FSTL5: variants seen among roughly 807,000 people sequenced by gnomAD.
The protein encoded by FSTL5 is follistatin like 5.
FSTL5 carries 62 observed loss-of-function variants against 89.1 expected under a neutral mutation model. The ratio of observed to expected loss-of-function variants is 0.70; its 90% CI spans 0.57 to 0.86. FSTL5 has a LOEUF of 0.86. FSTL5 is among the 40% of genes least tolerant of loss of function. The probability of loss-of-function intolerance (pLI) is 0.00; values close to 1 mark genes in which losing one functional copy is unlikely to be tolerated. For missense variants in FSTL5, 1,057 were observed against 1,001.6 expected (o/e 1.06, Z -0.75); for synonymous variants, 383 against 346.2 (o/e 1.11, Z -1.18).
At chr4:161,637,787 T>C (rs1383844504) in intron 7 of FSTL5, among the ~76,000 whole-genome samples, 4 of 119,568 alleles carry the variant, frequency 3.3e-5, no homozygotes, top group Non-Finnish European at 4.9e-5. Context: ...TATGTGGCAT[T>C]ATTTCTGAGG....
intron 6 of FSTL5, among the ~76,000 whole-genome samples, chr4:161,677,104 C>T (rs1737332759): frequency 1.3e-5 from 2 of 151,790 alleles, no homozygotes; most frequent in South Asian, 4.1e-4. Flanking sequence ...ATGATTGACC[C>T]CAATTTAGGG....
chr4:161,438,818 T>C (rs1226598882), intron 15 of FSTL5, among the ~76,000 whole-genome samples: 2 of 152,112 alleles, frequency 1.3e-5, no homozygotes, highest in African/African-American at 2.4e-5. Context: ...ATAAGCAATA[T>C]AATCTGATAT....
At position 161,775,657 on chromosome 4, in the gene FSTL5, T is replaced by C. The variant is rs1422017591; in HGVS notation, c.606+221A>G. 3.9e-5 allele frequency among the ~76,000 whole-genome samples: 6 copies of C among 152,044 alleles called. No individual in the cohort carries two copies. The East Asian group carries it at 1.2e-3, about 29-fold the overall frequency. ...TTAAGATATAGATATCTATCAGAAGTAGATATCTCTTTTTAAACTGTCAAA... is the reference window on the plus strand; with the variant it reads ...TTAAGATATAGATATCTATCAGAAGCAGATATCTCTTTTTAAACTGTCAAA... On this transcript the variant is annotated intron_variant, in intron 5 of 15. Coordinates refer to ENST00000306100, the MANE Select transcript of FSTL5 (RefSeq NM_020116.5).
intron 6 of FSTL5, among the ~76,000 whole-genome samples, chr4:161,716,476 A>G (rs1314400555): frequency 6.6e-6 from 1 of 152,086 alleles, no homozygotes; most frequent in Admixed American, 6.5e-5. Context: ...GTGTGCCTGT[A>G]GTCTCAGCTA....
chr4:161,432,614 C>T (rs1732414541), intron 15 of FSTL5, among the ~76,000 whole-genome samples: 2 of 148,646 alleles, frequency 1.3e-5, no homozygotes, highest in Admixed American at 1.3e-4. Flanking sequence ...TAAATTAAAA[C>T]AAAAAATAGA....
At chr4:161,516,429 T>A (rs1730832824) in intron 10 of FSTL5, among the ~76,000 whole-genome samples, 2 of 140,858 alleles carry the variant, frequency 1.4e-5, no homozygotes, top group African/African-American at 5.2e-5. Context: ...CATATTCTTA[T>A]CAATGTCCTT....
At chr4:161,954,236 G>A (rs937675353) in intron 3 of FSTL5, among the ~76,000 whole-genome samples, 8 of 151,508 alleles carry the variant, frequency 5.3e-5, no homozygotes, top group African/African-American at 1.9e-4. Flanking sequence ...TCTGAAAAGT[G>A]AAAAACAAGT....
At chr4:161,502,642 C>T (rs1439296364) in intron 11 of FSTL5, among the ~76,000 whole-genome samples, 3 of 151,814 alleles carry the variant, frequency 2.0e-5, no homozygotes, top group African/African-American at 4.8e-5. Flanking sequence ...GCGAGTCCTC[C>T]TCATTCATAA....
At chr4:161,461,632 T>C (rs1188573768) in intron 13 of FSTL5, among the ~76,000 whole-genome samples, 1 of 152,094 alleles carries the variant, frequency 6.6e-6, no homozygotes, top group Admixed American at 6.6e-5. Flanking sequence ...CTTTATTGCT[T>C]AAGGAATAGT....
At chr4:161,935,569 A>G (rs1734409762) in intron 3 of FSTL5, among the ~76,000 whole-genome samples, 1 of 152,174 alleles carries the variant, frequency 6.6e-6, no homozygotes, top group South Asian at 2.1e-4. Context: ...CAGAGAGGTA[A>G]TTAAAAATTG....
At chr4:161,929,206 G>T (rs1734211268) in intron 3 of FSTL5, among the ~76,000 whole-genome samples, 2 of 145,578 alleles carry the variant, frequency 1.4e-5, no homozygotes, top group African/African-American at 2.5e-5. Flanking sequence ...AGCACCATTT[G>T]TTGACAAGAA....
At chr4:161,472,601 A>AT (rs1157181211) in intron 13 of FSTL5, among the ~76,000 whole-genome samples, 1 of 151,544 alleles carries the variant, frequency 6.6e-6, no homozygotes, top group Non-Finnish European at 1.5e-5. Context: ...TTTCCTCATG[A>AT]TTTTTTTAAT....
At position 161,553,684 on chromosome 4, in the gene FSTL5, T is replaced by A. The variant is rs190339264; in HGVS notation, c.1016-10991A>T. 7.3e-5 allele frequency among the ~76,000 whole-genome samples: 11 copies of A among 151,618 alleles called. No homozygotes were observed. In the East Asian group the frequency reaches 2.1e-3, roughly 29 times the overall value. On this transcript the variant is annotated intron_variant, in intron 8 of 15. Transcript: ENST00000306100. ...GTCTTTATAAAAGTGTCTACTGGAA[T>A]TTGACTACTTGGCATCCACATTCAT...
chr4:161,955,771 C>T (rs1005148415), intron 3 of FSTL5, among the ~76,000 whole-genome samples: 3 of 151,794 alleles, frequency 2.0e-5, no homozygotes, highest in African/African-American at 7.3e-5. Flanking sequence ...GTAACTCTTG[C>T]AGTTTCAATG....
At chr4:161,809,200 C>CTGG (rs1317630760) in intron 4 of FSTL5, among the ~76,000 whole-genome samples, 1 of 152,166 alleles carries the variant, frequency 6.6e-6, no homozygotes, top group Non-Finnish European at 1.5e-5. Flanking sequence ...GCCTGGGCAA[C>CTGG]ACAGCGAGAC....
At chr4:161,527,811 T>C (rs1482920670) in intron 10 of FSTL5, among the ~76,000 whole-genome samples, 2 of 151,244 alleles carry the variant, frequency 1.3e-5, no homozygotes, top group East Asian at 1.9e-4. Context: ...ACCCAAAGGA[T>C]TATAAATCAT....
intron 1 of FSTL5, among the ~76,000 whole-genome samples, chr4:162,113,322 T>C (rs1196064346): frequency 2.7e-5 from 4 of 150,436 alleles, no homozygotes; most frequent in Non-Finnish European, 5.9e-5. Flanking sequence ...TCATTAATTC[T>C]TTTATATCTA....
intron 4 of FSTL5, among the ~76,000 whole-genome samples, chr4:161,816,102 T>G (rs530420341): frequency 3.3e-5 from 5 of 152,196 alleles, no homozygotes; most frequent in African/African-American, 9.6e-5. Context: ...TCCACTGGAG[T>G]GCAGAGCTAA....
At chr4:161,436,450 A>G (rs1234456553) in intron 15 of FSTL5, among the ~76,000 whole-genome samples, 1 of 151,966 alleles carries the variant, frequency 6.6e-6, no homozygotes, top group Non-Finnish European at 1.5e-5. Context: ...ATCCCTGGAC[A>G]TTTTCATGTG....
Sources: allele counts gnomAD v4.1 joint callset (sites outside exome capture counted in the v4.1 genomes callset), GRCh38; gene constraint gnomAD v4.1.1; transcripts MANE v1.5; gene names NCBI Gene and HGNC (gene_info 2026-07-23, HGNC 2026-07-21).